The following PHACTR4 variants were observed in gnomAD, a reference collection of about 807,000 sequenced individuals.
PHACTR4 encodes the protein protein phosphatase 1, regulatory subunit 124.
PHACTR4 carries 51 observed loss-of-function variants against 72.7 expected under a neutral mutation model. That is an observed-to-expected ratio of 0.70 (90% CI 0.56 to 0.89). The LOEUF (loss-of-function observed/expected upper bound fraction) is 0.89, where lower values mean the gene tolerates loss of function less well. Ranked by LOEUF, PHACTR4 falls within the 40% of genes least tolerant of loss-of-function variation. The pLI is 0.00. For synonymous variants in PHACTR4, 255 were observed against 302.5 expected, an observed-to-expected ratio of 0.84 and a Z score of 1.63; for missense variants, 731 against 861.8, an observed-to-expected ratio of 0.85 and a Z score of 1.90.
chr1:28,395,271 A>G (rs1653405764), intron 1 of PHACTR4, among the ~76,000 whole-genome samples: 2 of 151,940 alleles, frequency 1.3e-5, no homozygotes. Flanking sequence ...ATACATAACG[A>G]TGCCAGAAAT....
intron 1 of PHACTR4, among the ~76,000 whole-genome samples, chr1:28,377,119 A>G (rs571754537): frequency 1.7e-4 from 26 of 151,480 alleles, no homozygotes; most frequent in Non-Finnish European, 3.4e-4. Flanking sequence ...TAGTAGAGAC[A>G]GGGTTTCGCC....
At chr1:28,495,140 G>T (rs914489443) in intron 13 of PHACTR4, among the ~76,000 whole-genome samples, 1 of 152,168 alleles carries the variant, frequency 6.6e-6, no homozygotes, top group Non-Finnish European at 1.5e-5. Flanking sequence ...GTCTTTGAAG[G>T]TGATAAGTTT....
At chr1:28,371,673 A>G (rs1243419192) in intron 1 of PHACTR4, among the ~76,000 whole-genome samples, 1 of 151,896 alleles carries the variant, frequency 6.6e-6, no homozygotes, top group Non-Finnish European at 1.5e-5. Context: ...AGCACTGCTC[A>G]CTGCAGCCTG....
chr1:28,438,348 C>T (rs986872761), intron 2 of PHACTR4: 32 of 1,599,754 alleles, frequency 2.0e-5, no homozygotes, highest in Non-Finnish European at 2.6e-5. Context: ...TTGTCCGGGA[C>T]AGTTTGTTGT....
intron 1 of PHACTR4, among the ~76,000 whole-genome samples, chr1:28,383,165 G>T (rs1652314945): frequency 6.6e-6 from 1 of 152,088 alleles, no homozygotes; most frequent in Non-Finnish European, 1.5e-5. Context: ...TCAGATACTT[G>T]TAGGTGTGTG....
intron 1 of PHACTR4, among the ~76,000 whole-genome samples, chr1:28,371,477 T>C (rs563489761): frequency 5.9e-5 from 9 of 152,164 alleles, no homozygotes; most frequent in African/African-American, 2.2e-4. Flanking sequence ...GTATTTTTGG[T>C]AGAAACAAGG....
intron 3 of PHACTR4, 139 bp downstream of exon 3, chr1:28,459,397 T>A (rs2124468228): frequency 8.8e-4 from 155 of 176,848 alleles, no homozygotes; most frequent in Middle Eastern, 8.4e-3. Flanking sequence ...TCCTTCTTCT[T>A]TTTTTTTTTT....
chr1:28,475,741 T>TTG (rs1557840861), intron 7 of PHACTR4, among the ~76,000 whole-genome samples: 1 of 151,382 alleles, frequency 6.6e-6, no homozygotes, highest in Non-Finnish European at 1.5e-5. Flanking sequence ...TTTTTTTTTT[T>TTG]TTGAGATAGA....
intron 9 of PHACTR4, among the ~76,000 whole-genome samples, chr1:28,484,534 A>G (rs1263370056): frequency 6.6e-6 from 1 of 151,238 alleles, no homozygotes; most frequent in Non-Finnish European, 1.5e-5. Context: ...ATATGTGTGT[A>G]TGTGTATATA....
chr1:28,493,138 C>A, intron 13 of PHACTR4, 47 bp downstream of exon 13: 2 of 1,528,618 alleles, frequency 1.3e-6, no homozygotes, highest in South Asian at 1.1e-5. Context: ...TAGAGTTTTC[C>A]AAAAAATTGT....
In PHACTR4 at chr1:28,473,870, A is replaced by G. The variant is rs1478505670; in HGVS notation, c.1140A>G (p.Leu380=). The G allele has an allele frequency of 8.1e-6, 13 of 1,613,906 alleles. No homozygotes were observed. Among genetic ancestry groups the G allele is most frequent in the Non-Finnish European group, 9.3e-6 (11 of 1,179,982 alleles). The change falls in exon 7 of 14, where the codon CTA becomes CTG. Residue 380 remains leucine, a synonymous_variant. Transcript: ENST00000373839. ...TTGAGTTTCCACCATCCTTAGATCTACACCAGGAGATTCCCCAGCAGGAAG... is the reference window on the plus strand; with the variant it reads ...TTGAGTTTCCACCATCCTTAGATCTGCACCAGGAGATTCCCCAGCAGGAAG... ...PEIEFPPSLD[L]HQEIPQQEDQ...
intron 2 of PHACTR4, among the ~76,000 whole-genome samples, chr1:28,420,614 G>T (rs578078941): frequency 6.6e-6 from 1 of 152,264 alleles, no homozygotes; most frequent in African/African-American, 2.4e-5. Flanking sequence ...ACTCCAGCCT[G>T]GGTGACAGGA....
intron 2 of PHACTR4, among the ~76,000 whole-genome samples, chr1:28,458,108 TTGTG>T (rs539564108): frequency 0.13 from 15,108 of 120,070 alleles, 857 homozygotes; most frequent in African/African-American, 0.21. Context: ...GTGTGTGTGT[TTGTG>T]TGTGTGTGTG....
At chr1:28,440,430 C>G (rs1194158118) in intron 2 of PHACTR4, among the ~76,000 whole-genome samples, 39 of 80,700 alleles carry the variant, frequency 4.8e-4, no homozygotes, top group African/African-American at 2.0e-3. Flanking sequence ...GAGTCTTACT[C>G]TGTCGCCCAG....
chr1:28,387,031 G>T (rs906974122), intron 1 of PHACTR4, among the ~76,000 whole-genome samples: 4 of 151,980 alleles, frequency 2.6e-5, no homozygotes, highest in African/African-American at 7.2e-5. Flanking sequence ...GGGAGGTTGA[G>T]GCAGGTGGAT....
Position 28,460,225 on chromosome 1 carries a change from A to G in PHACTR4, c.204A>G (p.Lys68=), listed in dbSNP as rs369520897. The G allele has an allele frequency of 5.0e-6, 8 of 1,613,358 alleles. No individual in the cohort carries two copies. The African/African-American group carries it at 6.7e-5, about 13-fold the overall frequency. ...ATTTAATGTTAGTTTTAGAACGGAAAATATCTATGCGAAAGCCAAGAGAAG... is the reference window on the plus strand; with the variant it reads ...ATTTAATGTTAGTTTTAGAACGGAAGATATCTATGCGAAAGCCAAGAGAAG... ...FKETSEVLER[K]ISMRKPREEL... is the part of the protein sequence containing the mutation. Residue 68 remains lysine (K), a synonymous_variant, in exon 4 of 14, where the codon AAA becomes AAG. Transcript: ENST00000373839.
intron 9 of PHACTR4, among the ~76,000 whole-genome samples, chr1:28,486,803 G>A (rs1434426943): frequency 6.6e-6 from 1 of 151,854 alleles, no homozygotes; most frequent in Non-Finnish European, 1.5e-5. Context: ...AGGTTGCAGT[G>A]AGCCAAGGTG....
chr1:28,389,051 AG>A (rs1410406166), intron 1 of PHACTR4, among the ~76,000 whole-genome samples: 1 of 152,196 alleles, frequency 6.6e-6, no homozygotes, highest in African/African-American at 2.4e-5. Flanking sequence ...CCGCACAGCA[AG>A]GGAAACAACA....
intron 8 of PHACTR4, among the ~76,000 whole-genome samples, chr1:28,477,076 G>GAT (rs1236946683): frequency 1.2e-4 from 17 of 144,688 alleles, no homozygotes; most frequent in South Asian, 2.2e-4. Flanking sequence ...GGCCATAAAA[G>GAT]ATATATATAT....
Sources: gnomAD v4.1 joint callset for allele counts (sites outside exome capture counted in the v4.1 genomes callset) on GRCh38, gnomAD v4.1.1 for gene constraint, MANE v1.5 for transcripts, NCBI Gene and HGNC (gene_info 2026-07-23, HGNC 2026-07-21) for gene names.